The following SLC39A11 variants were observed in gnomAD, a reference collection of about 807,000 sequenced individuals.
SLC39A11 encodes the protein solute carrier family 39 member 11.
SLC39A11 carries 33 observed loss-of-function variants against 36.1 expected under a neutral mutation model. The ratio of observed to expected loss-of-function variants is 0.91; its 90% CI spans 0.69 to 1.22. The LOEUF is 1.22. SLC39A11 is among the 50% of genes most tolerant of loss of function. SLC39A11 has a pLI of 0.00. For synonymous variants in SLC39A11, 166 were observed against 170.3 expected (o/e 0.97, Z 0.20); for missense variants, 432 against 430.3 (o/e 1.00, Z -0.03).
intron 7 of SLC39A11, among the ~76,000 whole-genome samples, chr17:72,729,424 TATATATATATATATATATATATATATA>T (rs1567994412): frequency 0.016 from 36 of 2,256 alleles, 2 homozygotes; most frequent in Non-Finnish European, 0.025. Flanking sequence ...TATATATATA[TATATATATATATATATATATATATATA>T]TATATATTTT....
At chr17:72,943,664 T>G (rs2085256918) in intron 5 of SLC39A11, among the ~76,000 whole-genome samples, 1 of 152,174 alleles carries the variant, frequency 6.6e-6, no homozygotes, top group African/African-American at 2.4e-5. Flanking sequence ...ATCCACCTCT[T>G]GCTCTACCAG....
intron 5 of SLC39A11, among the ~76,000 whole-genome samples, chr17:72,872,779 G>A (rs1017713979): frequency 3.3e-5 from 5 of 152,104 alleles, no homozygotes; most frequent in African/African-American, 4.8e-5. Flanking sequence ...GTTCAGGGGC[G>A]GGTGCAGTGG....
chr17:73,081,734 T>C (rs2060536074), intron 3 of SLC39A11, among the ~76,000 whole-genome samples: 1 of 66,192 alleles, frequency 1.5e-5, no homozygotes, highest in Admixed American at 1.7e-4. Flanking sequence ...TATATGTATG[T>C]ATATATATAT....
chr17:73,047,966 CAAAAAAA>C (rs1165334910), intron 3 of SLC39A11, among the ~76,000 whole-genome samples: 2 of 20,490 alleles, frequency 9.8e-5, no homozygotes, highest in African/African-American at 1.8e-4. Context: ...GACTCCATCT[CAAAAAAA>C]AAAAAAAAAA....
chr17:72,922,980 A>C (rs549747268), intron 5 of SLC39A11, among the ~76,000 whole-genome samples: 18,184 of 137,026 alleles, frequency 0.13, 1,593 homozygotes, highest in Middle Eastern at 0.16. Flanking sequence ...AAAAAAAAAA[A>C]AAAAAAAAAA....
At chr17:72,821,922 C>G (rs2077798961) in intron 6 of SLC39A11, 1 of 151,498 alleles carries the variant, frequency 6.6e-6, no homozygotes, top group Non-Finnish European at 1.5e-5. Context: ...GTCCTCTTCC[C>G]TGGGTCCATT....
chr17:72,684,020 G>A (rs2071627714), intron 7 of SLC39A11, among the ~76,000 whole-genome samples: 1 of 152,170 alleles, frequency 6.6e-6, no homozygotes, highest in Non-Finnish European at 1.5e-5. Flanking sequence ...CAAGTGCTTA[G>A]AAGATTTTGC....
At chr17:72,991,240 A>C (rs997495351) in intron 4 of SLC39A11, among the ~76,000 whole-genome samples, 2 of 152,224 alleles carry the variant, frequency 1.3e-5, no homozygotes, top group African/African-American at 2.4e-5. Context: ...TACCATGCTA[A>C]TATATTTTTA....
intron 6 of SLC39A11, among the ~76,000 whole-genome samples, chr17:72,768,449 T>G (rs886120080): frequency 3.3e-5 from 5 of 152,182 alleles, no homozygotes; most frequent in African/African-American, 9.7e-5. Flanking sequence ...GCAAAGGCAG[T>G]TTCAATGGCA....
At chr17:72,916,312 T>G (rs1483713309) in intron 5 of SLC39A11, among the ~76,000 whole-genome samples, 1 of 152,168 alleles carries the variant, frequency 6.6e-6, no homozygotes, top group African/African-American at 2.4e-5. Flanking sequence ...TTGATCACCT[T>G]AAGCATAAAT....
chr17:72,966,764 T>A (rs2087014769), intron 4 of SLC39A11, among the ~76,000 whole-genome samples: 1 of 151,226 alleles, frequency 6.6e-6, no homozygotes, highest in Non-Finnish European at 1.5e-5. Context: ...AGAGAGGGGG[T>A]TTCCCCATGT....
chr17:72,750,716 C>T (rs1454671264), intron 6 of SLC39A11, among the ~76,000 whole-genome samples: 2 of 151,914 alleles, frequency 1.3e-5, no homozygotes, highest in Non-Finnish European at 2.9e-5. Context: ...GGCATCATAC[C>T]ACAACGTATG....
rs577424585 is a variant in SLC39A11, at chr17:72,873,956, C to A, written c.431-24152G>T. Among the ~76,000 whole-genome samples, 90 of 152,278 alleles carry A rather than the reference C, an allele frequency of 5.9e-4. 1 individual carries two copies. The highest frequency in any genetic ancestry group is 2.1e-3 in the African/African-American group (87 of 41,560). Reference sequence around the variant, plus strand: ...TAAGGGGCTCCCCCCACTTGCTCAGCTCTCACTCTTTCTTGTGCTGCCTGT... The same window carrying A: ...TAAGGGGCTCCCCCCACTTGCTCAGATCTCACTCTTTCTTGTGCTGCCTGT... On this transcript the variant is annotated intron_variant, in intron 5 of 9. Coordinates refer to ENST00000255559, the MANE Select transcript of SLC39A11 (RefSeq NM_139177.4).
intron 5 of SLC39A11, among the ~76,000 whole-genome samples, chr17:72,931,989 T>C (rs572019251): frequency 6.6e-6 from 1 of 152,332 alleles, no homozygotes; most frequent in South Asian, 2.1e-4. Flanking sequence ...TCTACACCTC[T>C]CACTGCAATT....
chr17:72,763,065 GA>G lies in SLC39A11; in HGVS notation c.602-26347del, dbSNP rs1473896465. Among the ~76,000 whole-genome samples the G allele has an allele frequency of 2.6e-5, 4 of 152,210 alleles. No homozygotes were observed. The East Asian group carries it at 7.7e-4, about 29-fold the overall frequency. On this transcript the variant is annotated intron_variant, in intron 6 of 9. Transcript: ENST00000255559. ...AGAGAACTAGACCTGAATCTTCAAG[GA>G]GTTAATTTCCTAAAGACCACCTGAC... is the stretch of plus-strand genomic sequence containing the variant.
intron 5 of SLC39A11, among the ~76,000 whole-genome samples, chr17:72,852,409 C>T (rs1412736930): frequency 1.3e-5 from 2 of 152,072 alleles, no homozygotes; most frequent in Admixed American, 6.6e-5. Flanking sequence ...TCCTCCACAA[C>T]GCAAGGATGC....
At chr17:72,682,435 G>C (rs1376249655) in intron 7 of SLC39A11, among the ~76,000 whole-genome samples, 5 of 152,016 alleles carry the variant, frequency 3.3e-5, no homozygotes, top group Non-Finnish European at 7.4e-5. Context: ...AAGGCTTCTG[G>C]TCAACGGTAG....
intron 7 of SLC39A11, among the ~76,000 whole-genome samples, chr17:72,708,940 C>CTTT (rs397857013): frequency 6.9e-6 from 1 of 145,440 alleles, no homozygotes; most frequent in Admixed American, 6.9e-5. Context: ...TTTTTCTTTT[C>CTTT]TTTTTTTTTT....
chr17:72,696,277 C>T (rs777712242), intron 7 of SLC39A11, among the ~76,000 whole-genome samples: 4 of 152,150 alleles, frequency 2.6e-5, no homozygotes, highest in Non-Finnish European at 2.9e-5. Context: ...CTCCTTACCC[C>T]GGCCTCTGAG....
Sources: allele counts gnomAD v4.1 joint callset (sites outside exome capture counted in the v4.1 genomes callset), GRCh38; gene constraint gnomAD v4.1.1; transcripts MANE v1.5; gene names NCBI Gene and HGNC (gene_info 2026-07-23, HGNC 2026-07-21).